Variants in BIN1 observed in about 807,000 individuals in gnomAD.
The protein encoded by BIN1 is bridging integrator 1.
A neutral mutation model predicts 82.0 loss-of-function variants in BIN1; 53 were observed. The ratio of observed to expected loss-of-function variants is 0.65; its 90% confidence interval spans 0.52 to 0.81. The LOEUF (loss-of-function observed/expected upper bound fraction) is 0.81. BIN1 is among the 40% of genes least tolerant of loss of function. The probability of loss-of-function intolerance (pLI) is 0.00; values close to 1 mark genes in which losing one functional copy is unlikely to be tolerated. For missense variants in BIN1, 642 were observed against 784.4 expected, an observed-to-expected ratio of 0.82 and a Z score of 2.17; for synonymous variants, 302 against 328.0, an observed-to-expected ratio of 0.92 and a Z score of 0.86.
rs908845327 is a variant in BIN1 at position 127,067,529 on chromosome 2, T to A, written c.612+634A>T. ...GTGCTGGTCACTTGCCCTCCATGAA[T>A]CCCCAAAGGCCAAGGACCCATGCTT... is the stretch of plus-strand genomic sequence containing the variant. On this transcript the variant is annotated intron_variant, in intron 7 of 18. Coordinates refer to ENST00000316724, the MANE Select transcript of BIN1 (RefSeq NM_139343.3). This position sits in a 1 kb window ranked among gnomAD's most constrained non-coding sequence, Gnocchi z 4.7. Among the ~76,000 whole-genome samples, 1 of 152,022 alleles carries A rather than the reference T, an allele frequency of 6.6e-6. No homozygotes were observed. The highest frequency in any genetic ancestry group is 1.5e-5 in the Non-Finnish European group (1 of 67,980).
chr2:127,072,324 C>G (rs1685990587), intron 2 of BIN1, among the ~76,000 whole-genome samples: 1 of 152,320 alleles, frequency 6.6e-6, no homozygotes, highest in African/African-American at 2.4e-5. Context: ...GCCCTGGTGC[C>G]CTAGGGGCCA....
intron 7 of BIN1, 84 bp from the exon 8 acceptor site, chr2:127,064,102 C>A: frequency 1.3e-6 from 2 of 1,502,596 alleles, no homozygotes; most frequent in South Asian, 1.1e-5. Context: ...CTCCTGCCCA[C>A]CCCTCTTGGC....
intron 1 of BIN1, among the ~76,000 whole-genome samples, chr2:127,103,914 C>T (rs536770826): frequency 2.0e-5 from 3 of 152,358 alleles, no homozygotes; most frequent in South Asian, 2.1e-4. Flanking sequence ...GTGCACCCCA[C>T]GCATTCCGGG....
intron 16 of BIN1, 84 bp from the exon 17 acceptor site, chr2:127,050,996 G>T: frequency 6.6e-7 from 1 of 1,512,842 alleles, no homozygotes; most frequent in Non-Finnish European, 9.2e-7. Flanking sequence ...GGCGGGGAGG[G>T]GAGAAAGGTG....
Position 127,070,622 on chromosome 2 carries a change from C to T in BIN1, c.246G>A (p.Leu82=). The change falls in exon 4 of 19, where the codon CTG becomes CTA. Residue 82 remains leucine (L), a synonymous_variant. Coordinates refer to ENST00000316724, the MANE Select transcript of BIN1 (RefSeq NM_139343.3). ...CATACACCTCCTGCAGACACTCATT[C>T]AGCTTCTTGGAAGCCTCGTGCATGG... ...VKAMHEASKK[L]NECLQEVYEP... is the part of the protein sequence containing the mutation. 1 of 1,614,118 alleles carries T rather than the reference C, an allele frequency of 6.2e-7. No homozygotes were observed. Among genetic ancestry groups the T allele is most frequent in the Non-Finnish European group, 8.5e-7 (1 of 1,180,024 alleles).
chr2:127,086,835 C>G (rs889997572), intron 1 of BIN1, among the ~76,000 whole-genome samples: 1 of 152,046 alleles, frequency 6.6e-6, no homozygotes, highest in African/African-American at 2.4e-5. Flanking sequence ...AAGTCCATGA[C>G]CCCCAGGAAG....
chr2:127,092,953 G>A (rs1237582524), intron 1 of BIN1, among the ~76,000 whole-genome samples: 2 of 151,986 alleles, frequency 1.3e-5, no homozygotes, highest in Admixed American at 1.3e-4. Flanking sequence ...AACAGTAAGG[G>A]GCTGAGCAGA....
At chr2:127,063,825 A>G (rs6733368) in intron 8 of BIN1, 108 bp downstream of exon 8, 9 of 1,447,202 alleles carry the variant, frequency 6.2e-6, no homozygotes, top group East Asian at 4.5e-5. Flanking sequence ...CAGCACGCAG[A>G]CTGGACACCG....
intron 10 of BIN1, among the ~76,000 whole-genome samples, chr2:127,060,385 G>A (rs888363376): frequency 8.5e-5 from 13 of 152,222 alleles, no homozygotes; most frequent in Non-Finnish European, 1.3e-4. Flanking sequence ...CCAGAGGAAC[G>A]TGCTAAATGC....
Position 127,068,096 on chromosome 2 carries a change from C to T in BIN1, c.612+67G>A. 1 of 1,506,726 alleles carries T rather than the reference C, an allele frequency of 6.6e-7. No individual in the cohort carries two copies. Among genetic ancestry groups the T allele is most frequent in the Non-Finnish European group, 9.1e-7 (1 of 1,098,044 alleles). 93.3% of individuals were successfully genotyped at this position (1,506,726 alleles called of 1,614,324 possible). A position where few individuals can be genotyped will look rare whatever the true frequency, so the allele number is the denominator to read the frequency against. On this transcript the variant is annotated intron_variant, in intron 7 of 18. Coordinates refer to ENST00000316724, the MANE Select transcript of BIN1 (RefSeq NM_139343.3). The surrounding 1 kb of genome is among the most constrained non-coding windows in gnomAD (Gnocchi z 4.9). The stretch of plus-strand genomic sequence containing the variant: ...CAGATGCCAGCCCTGCATTCCACCG[C>T]AGGGCGAGAGGACAGGACGACAGAC...
At chr2:127,083,524 C>T (rs1002262301) in intron 1 of BIN1, among the ~76,000 whole-genome samples, 2 of 152,210 alleles carry the variant, frequency 1.3e-5, no homozygotes, top group African/African-American at 4.8e-5. Flanking sequence ...AGAACAAGAA[C>T]ATGCTCCAAA....
chr2:127,073,598 G>C (rs1355382511), intron 2 of BIN1, among the ~76,000 whole-genome samples: 1 of 152,156 alleles, frequency 6.6e-6, no homozygotes, highest in Admixed American at 6.5e-5. Context: ...GGTCTAGGGG[G>C]CAGGGACGGC....
chr2:127,072,505 C>T (rs139241723), intron 2 of BIN1, among the ~76,000 whole-genome samples: 16 of 152,210 alleles, frequency 1.1e-4, no homozygotes, highest in Admixed American at 3.9e-4. Flanking sequence ...GTGATGCGGC[C>T]CTGAGAACCC....
chr2:127,065,336 TGCACACC>T (rs2105021463), intron 7 of BIN1, among the ~76,000 whole-genome samples: 1 of 152,196 alleles, frequency 6.6e-6, no homozygotes, highest in African/African-American at 2.4e-5. Context: ...TATTCCAACA[TGCACACC>T]TCTCTTGGAT....
intron 10 of BIN1, chr2:127,060,625 C>T (rs1225779513): frequency 6.2e-7 from 1 of 1,614,226 alleles, no homozygotes; most frequent in Admixed American, 1.7e-5. Context: ...GCCGCGAAAA[C>T]AGTTTACTTT....
At chr2:127,056,168 T>G (rs1683639881) in intron 12 of BIN1, 1 of 152,264 alleles carries the variant, frequency 6.6e-6, no homozygotes, top group Non-Finnish European at 1.5e-5. Context: ...CACCGTTCTC[T>G]GCTCAGTATT....
intron 1 of BIN1, among the ~76,000 whole-genome samples, chr2:127,095,192 A>G (rs1384642201): frequency 2.0e-5 from 3 of 152,238 alleles, no homozygotes. Flanking sequence ...TTAGAACAAG[A>G]GTCAGCTCAT....
intron 17 of BIN1, 85 bp downstream of exon 17, chr2:127,050,717 A>G (rs1682815079): frequency 3.3e-6 from 5 of 1,506,334 alleles, no homozygotes; most frequent in Non-Finnish European, 4.6e-6. Context: ...ACTTTGGGCA[A>G]ACCACAGAGT....
At chr2:127,069,852 C>T in intron 5 of BIN1, 143 bp downstream of exon 5, 2 of 797,324 alleles carry the variant, frequency 2.5e-6, no homozygotes, top group Non-Finnish European at 4.1e-6. Flanking sequence ...GAGGGAGCAA[C>T]CCCGGAGGGG....
Sources: allele counts gnomAD v4.1 joint callset (sites outside exome capture counted in the v4.1 genomes callset), GRCh38; gene constraint gnomAD v4.1.1; non-coding constraint Gnocchi (gnomAD v3.1); transcripts MANE v1.5; gene names NCBI Gene and HGNC (gene_info 2026-07-23, HGNC 2026-07-21).